The following DPP10 variants were observed in gnomAD, a reference collection of about 807,000 sequenced individuals.
DPP10 encodes the protein inactive dipeptidyl peptidase 10.
A neutral mutation model predicts 120.9 loss-of-function variants in DPP10; 33 were observed. The ratio of observed to expected loss-of-function variants is 0.27; its 90% confidence interval spans 0.21 to 0.37. The LOEUF (loss-of-function observed/expected upper bound fraction) is 0.37, where lower values mean the gene tolerates loss of function less well. DPP10 is among the 10% of genes least tolerant of loss of function. DPP10 has a pLI of 1.00. For missense variants in DPP10, 816 were observed against 942.8 expected (o/e 0.87, Z 1.76); for synonymous variants, 337 against 326.1 (o/e 1.03, Z -0.36).
At chr2:115,092,189 A>G (rs1239529137) in intron 1 of DPP10, among the ~76,000 whole-genome samples, 1 of 151,994 alleles carries the variant, frequency 6.6e-6, no homozygotes, top group Non-Finnish European at 1.5e-5. Context: ...TCTCTGTTTG[A>G]CTCCAATGAC....
At chr2:115,789,820 A>G (rs1013794711) in intron 17 of DPP10, among the ~76,000 whole-genome samples, 2 of 152,170 alleles carry the variant, frequency 1.3e-5, no homozygotes, top group African/African-American at 2.4e-5. Context: ...AAAATGCAAG[A>G]TTTAGGAGTA....
At chr2:115,603,578 T>TG (rs1435303272) in intron 5 of DPP10, among the ~76,000 whole-genome samples, 4 of 147,336 alleles carry the variant, frequency 2.7e-5, no homozygotes, top group Admixed American at 2.0e-4. Context: ...TTGTTTTTTT[T>TG]TTTTTTGGAT....
chr2:114,994,889 C>A (rs1224518213), intron 1 of DPP10, among the ~76,000 whole-genome samples: 1 of 152,116 alleles, frequency 6.6e-6, no homozygotes, highest in African/African-American at 2.4e-5. Flanking sequence ...ATTGCACTTG[C>A]CATACTGCAT....
intron 1 of DPP10, among the ~76,000 whole-genome samples, chr2:114,497,298 TATAC>T (rs1682695350): frequency 1.3e-4 from 7 of 53,016 alleles, no homozygotes; most frequent in South Asian, 1.3e-3. Flanking sequence ...CATGTACATG[TATAC>T]GTGTATACAT....
At chr2:115,545,666 TC>T (rs776877073) in intron 5 of DPP10, among the ~76,000 whole-genome samples, 13 of 152,254 alleles carry the variant, frequency 8.5e-5, no homozygotes, top group Admixed American at 6.6e-5. Context: ...TTATTTTCAA[TC>T]CCTGAAGTTA....
intron 1 of DPP10, among the ~76,000 whole-genome samples, chr2:114,606,642 A>G (rs897161536): frequency 6.6e-5 from 10 of 152,178 alleles, no homozygotes; most frequent in Non-Finnish European, 1.5e-4. Context: ...TGGTGCCCAG[A>G]AGAACTTCTG....
At chr2:115,797,971 A>T (rs1187925045) in intron 19 of DPP10, among the ~76,000 whole-genome samples, 1 of 151,800 alleles carries the variant, frequency 6.6e-6, no homozygotes, top group Non-Finnish European at 1.5e-5. Context: ...ATATATATAC[A>T]CACGTATATG....
chr2:114,576,556 C>A (rs980696721), intron 1 of DPP10, among the ~76,000 whole-genome samples: 12 of 152,122 alleles, frequency 7.9e-5, no homozygotes, highest in African/African-American at 2.9e-4. Flanking sequence ...TACAGGGGGA[C>A]AAGGGACTTT....
At chr2:114,976,733 C>T (rs1699777711) in intron 1 of DPP10, among the ~76,000 whole-genome samples, 1 of 152,158 alleles carries the variant, frequency 6.6e-6, no homozygotes, top group African/African-American at 2.4e-5. Flanking sequence ...GATGGATATG[C>T]ATGCTGGTGG....
At chr2:115,295,292 A>G (rs139194638) in intron 1 of DPP10, among the ~76,000 whole-genome samples, 72 of 152,232 alleles carry the variant, frequency 4.7e-4, no homozygotes, top group Middle Eastern at 3.4e-3. Context: ...CAGAGCACAA[A>G]TGATGTGAAA....
intron 1 of DPP10, among the ~76,000 whole-genome samples, chr2:114,739,804 C>T (rs544635100): frequency 1.3e-4 from 20 of 152,268 alleles, no homozygotes; most frequent in African/African-American, 4.6e-4. Flanking sequence ...CTAAGAGCCC[C>T]TCATTCTTAA....
At chr2:115,002,617 C>T (rs1160970491) in intron 1 of DPP10, among the ~76,000 whole-genome samples, 2 of 151,892 alleles carry the variant, frequency 1.3e-5, no homozygotes, top group Non-Finnish European at 2.9e-5. Flanking sequence ...ACTATGCATC[C>T]AACAAAGGTT....
At chr2:115,699,871 A>G (rs2149529017) in intron 7 of DPP10, among the ~76,000 whole-genome samples, 1 of 152,356 alleles carries the variant, frequency 6.6e-6, no homozygotes, top group Middle Eastern at 3.4e-3. Flanking sequence ...ATCATTCAAT[A>G]TATAAAAAAC....
chr2:114,756,731 A>G (rs1679784953), intron 1 of DPP10, among the ~76,000 whole-genome samples: 2 of 152,182 alleles, frequency 1.3e-5, no homozygotes, highest in South Asian at 4.1e-4. Flanking sequence ...CAGTCTTCAT[A>G]AGTAGTGCCA....
At chr2:114,825,182 G>A (rs1686421453) in intron 1 of DPP10, among the ~76,000 whole-genome samples, 1 of 152,172 alleles carries the variant, frequency 6.6e-6, no homozygotes, top group African/African-American at 2.4e-5. Flanking sequence ...TTCCCTGTAG[G>A]CTCCGAGAGT....
chr2:115,740,839 C>T (rs778948032), intron 9 of DPP10, among the ~76,000 whole-genome samples: 1 of 152,026 alleles, frequency 6.6e-6, no homozygotes, highest in African/African-American at 2.4e-5. Flanking sequence ...GTAAAGAAGT[C>T]TTATGGGAAA....
At chr2:115,080,641 A>T (rs1340020712) in intron 1 of DPP10, among the ~76,000 whole-genome samples, 1 of 152,354 alleles carries the variant, frequency 6.6e-6, no homozygotes, top group East Asian at 1.9e-4. Flanking sequence ...AATACAGTCT[A>T]GCCCCATATA....
intron 1 of DPP10, among the ~76,000 whole-genome samples, chr2:114,648,299 A>T (rs910399636): frequency 7.9e-5 from 12 of 152,188 alleles, no homozygotes; most frequent in African/African-American, 2.9e-4. Flanking sequence ...GAGATCATCT[A>T]TGAAACTAGC....
intron 9 of DPP10, among the ~76,000 whole-genome samples, chr2:115,741,490 G>A (rs575070434): frequency 2.7e-5 from 4 of 149,930 alleles, no homozygotes; most frequent in South Asian, 4.2e-4. Flanking sequence ...TTTTCCCCCA[G>A]AGAAAACCTG....
Sources: allele counts gnomAD v4.1 joint callset (sites outside exome capture counted in the v4.1 genomes callset), GRCh38; gene constraint gnomAD v4.1.1; transcripts MANE v1.5; gene names NCBI Gene and HGNC (gene_info 2026-07-23, HGNC 2026-07-21).